The following FHOD3 variants were observed in gnomAD, a reference collection of about 807,000 sequenced individuals.
The protein encoded by FHOD3 is FH1/FH2 domain-containing protein 3.
In FHOD3, 90 loss-of-function variants were observed where a neutral mutation model predicts 173.0. The ratio of observed to expected loss-of-function variants is 0.52; its 90% confidence interval spans 0.44 to 0.62. The LOEUF is 0.62. Among genes scored for constraint, FHOD3 ranks in the 20% least tolerant of loss-of-function variants. The pLI is 0.00. For synonymous variants in FHOD3, 828 were observed against 823.0 expected, an observed-to-expected ratio of 1.01 and a Z score of -0.10; for missense variants, 1,945 against 2,034.7, an observed-to-expected ratio of 0.96 and a Z score of 0.85.
intron 3 of FHOD3, among the ~76,000 whole-genome samples, chr18:36,374,236 A>G (rs192623090): frequency 7.9e-5 from 12 of 152,324 alleles, no homozygotes; most frequent in Admixed American, 7.8e-4. Context: ...GAACTTCTGT[A>G]TCCTATCGTC....
intron 7 of FHOD3, among the ~76,000 whole-genome samples, chr18:36,601,745 C>T (rs1435384600): frequency 2.0e-5 from 3 of 152,342 alleles, no homozygotes; most frequent in Non-Finnish European, 1.5e-5. Context: ...AGCTTCATGT[C>T]GCAAACCACC....
intron 14 of FHOD3, among the ~76,000 whole-genome samples, chr18:36,665,667 A>C (rs1323867909): frequency 6.6e-6 from 1 of 152,246 alleles, no homozygotes; most frequent in Non-Finnish European, 1.5e-5. Flanking sequence ...AATCTGGGAA[A>C]GATGGGAGAC....
At chr18:36,567,888 G>T (rs574040560) in intron 5 of FHOD3, among the ~76,000 whole-genome samples, 1 of 152,058 alleles carries the variant, frequency 6.6e-6, no homozygotes, top group Non-Finnish European at 1.5e-5. Flanking sequence ...TCTGAGGAGT[G>T]GGGTGGAAAC....
chr18:36,487,931 G>C (rs72891781), intron 3 of FHOD3, among the ~76,000 whole-genome samples: 109 of 152,274 alleles, frequency 7.2e-4, no homozygotes, highest in Middle Eastern at 6.8e-3. Context: ...GGCTAGGTGT[G>C]AATTTGTTAT....
At chr18:36,328,875 T>C (rs927660315) in intron 1 of FHOD3, among the ~76,000 whole-genome samples, 52 of 152,258 alleles carry the variant, frequency 3.4e-4, no homozygotes, top group African/African-American at 1.2e-3. Flanking sequence ...GACCTCATTT[T>C]GTGTGTTTAA....
intron 3 of FHOD3, among the ~76,000 whole-genome samples, chr18:36,483,831 G>A (rs16967896): frequency 0.03 from 4,571 of 152,274 alleles, 84 homozygotes; most frequent in Non-Finnish European, 0.046. Context: ...AGGATTAGAA[G>A]CACATGTAAT....
chr18:36,579,172 C>T (rs371312750), intron 6 of FHOD3, among the ~76,000 whole-genome samples: 2 of 152,128 alleles, frequency 1.3e-5, no homozygotes, highest in East Asian at 1.9e-4. Flanking sequence ...GGAACCTGCT[C>T]CCTCCCCAAG....
intron 2 of FHOD3, among the ~76,000 whole-genome samples, chr18:36,366,410 A>T (rs537482069): frequency 5.9e-5 from 9 of 152,328 alleles, no homozygotes; most frequent in Non-Finnish European, 1.2e-4. Flanking sequence ...ACCTAACATT[A>T]TTCAGCATTT....
At chr18:36,676,922 G>C (rs1395862640) in intron 14 of FHOD3, among the ~76,000 whole-genome samples, 1 of 152,056 alleles carries the variant, frequency 6.6e-6, no homozygotes, top group African/African-American at 2.4e-5. Flanking sequence ...GTTTATATAT[G>C]TTACAAGTAG....
intron 3 of FHOD3, among the ~76,000 whole-genome samples, chr18:36,429,195 A>G (rs754905341): frequency 1.2e-4 from 18 of 152,116 alleles, no homozygotes; most frequent in Non-Finnish European, 2.6e-4. Flanking sequence ...CGCTTTGTGG[A>G]TTACTGTGCT....
intron 6 of FHOD3, among the ~76,000 whole-genome samples, chr18:36,584,986 T>C (rs2058979154): frequency 6.6e-6 from 1 of 152,238 alleles, no homozygotes; most frequent in African/African-American, 2.4e-5. Context: ...TTCTGATTTT[T>C]TAAATTTTTC....
intron 19 of FHOD3, among the ~76,000 whole-genome samples, chr18:36,720,556 T>C (rs577017117): frequency 1.6e-4 from 25 of 152,164 alleles, no homozygotes; most frequent in Admixed American, 1.5e-3. Flanking sequence ...CCAATTCTTA[T>C]AGGCAGCCTG....
chr18:36,566,133 G>A (rs568048488), intron 5 of FHOD3, among the ~76,000 whole-genome samples: 8 of 152,184 alleles, frequency 5.3e-5, no homozygotes. Flanking sequence ...TTTAAGAGCT[G>A]TTTGTGCAAA....
chr18:36,572,312 C>T (rs183995175), intron 5 of FHOD3, among the ~76,000 whole-genome samples: 1 of 152,208 alleles, frequency 6.6e-6, no homozygotes, highest in East Asian at 1.9e-4. Flanking sequence ...GTGACCCAGA[C>T]GTGTGTTTTC....
chr18:36,653,425 CTT>C lies in FHOD3; in HGVS notation c.1721+11_1721+12del, dbSNP rs1568555368. 1 of 1,510,382 alleles carries C rather than the reference CTT, an allele frequency of 6.6e-7. No homozygotes were observed. 93.6% of individuals were successfully genotyped at this position (1,510,382 alleles called of 1,614,324 possible). The stretch of plus-strand genomic sequence containing the variant: ...TCTTTCTCTTCTAATAGGTGGGTGT[CTT>C]TATTTTCTTTCCCTTTTCTGTAGCT... On this transcript the variant is annotated intron_variant, in intron 13 of 28. Transcript: ENST00000590592.
chr18:36,484,692 C>T (rs1024625849), intron 3 of FHOD3, among the ~76,000 whole-genome samples: 4 of 152,090 alleles, frequency 2.6e-5, no homozygotes, highest in African/African-American at 4.8e-5. Flanking sequence ...GGTATAATGA[C>T]GGGTGTGCAT....
chr18:36,337,499 T>C (rs1030421647), intron 1 of FHOD3, among the ~76,000 whole-genome samples: 1 of 152,200 alleles, frequency 6.6e-6, no homozygotes, highest in Non-Finnish European at 1.5e-5. Flanking sequence ...ACATTACAAA[T>C]GGCAGCGTTT....
At chr18:36,464,998 T>C (rs1242731597) in intron 3 of FHOD3, among the ~76,000 whole-genome samples, 2 of 151,902 alleles carry the variant, frequency 1.3e-5, no homozygotes, top group East Asian at 3.9e-4. Context: ...AATAGTAAAA[T>C]AGAAATATAA....
intron 5 of FHOD3, among the ~76,000 whole-genome samples, chr18:36,514,418 TTG>T (rs1312258915): frequency 6.6e-6 from 1 of 152,200 alleles, no homozygotes; most frequent in Admixed American, 6.5e-5. Context: ...ATTCTCACTC[TTG>T]TGTGTCTGTT....
Sources: gnomAD v4.1 joint callset for allele counts (sites outside exome capture counted in the v4.1 genomes callset) on GRCh38, gnomAD v4.1.1 for gene constraint, MANE v1.5 for transcripts, NCBI Gene and HGNC (gene_info 2026-07-23, HGNC 2026-07-21) for gene names.